CCDC88C: variants seen among roughly 807,000 people sequenced by gnomAD.
CCDC88C encodes protein Daple.
CCDC88C carries 131 observed loss-of-function variants against 198.8 expected under a neutral mutation model. The observed-to-expected ratio is 0.66, with a 90% CI of 0.57 to 0.76. The LOEUF is 0.76. Ranked by LOEUF, CCDC88C falls within the 30% of genes least tolerant of loss-of-function variation. The pLI is 0.00. For missense variants in CCDC88C, 2,553 were observed against 2,631.6 expected (o/e 0.97, Z 0.65); for synonymous variants, 1,166 against 1,114.7 (o/e 1.05, Z -0.92).
At position 91,417,617 on chromosome 14, in the gene CCDC88C, C is replaced by T. The variant is rs1373645125; in HGVS notation, c.60+14G>A. ...GGTGCACCAACAAAGGGGCGGGGAG[C>T]CAGGCGCACTCACCCAGGTCACCAG... On this transcript the variant is annotated intron_variant, in intron 1 of 29. Coordinates refer to ENST00000389857, the MANE Select transcript of CCDC88C (RefSeq NM_001080414.4). 6.3e-7 allele frequency: 1 copy of T among 1,583,132 alleles called. No individual in the cohort carries two copies. The highest frequency in any genetic ancestry group is 2.4e-5 in the East Asian group (1 of 41,896).
intron 22 of CCDC88C, 28 bp from the exon 23 acceptor site, chr14:91,294,346 A>T (rs769173950): frequency 1.9e-6 from 3 of 1,611,154 alleles, no homozygotes; most frequent in Non-Finnish European, 2.5e-6. Flanking sequence ...AGCGTCTCAG[A>T]CACCATGTGA....
At chr14:91,298,542 A>AC (rs1263212953) in intron 21 of CCDC88C, among the ~76,000 whole-genome samples, 1 of 152,118 alleles carries the variant, frequency 6.6e-6, no homozygotes, top group East Asian at 1.9e-4. Context: ...AAAAAAAAAA[A>AC]AATTTAGTGG....
In CCDC88C at chr14:91,272,878, G is replaced by A. The variant is rs1475550130; in HGVS notation, c.5834C>T (p.Pro1945Leu). ...PAARTKPKAP[P>L]RSGEVATITP... ...GATGGTGGCCACCTCCCCTGAGCGT[G>A]GGGGCGCCTTGGGCTTGGTCCTGGC... is the stretch of plus-strand genomic sequence containing the variant. The change falls in exon 30 of 30, where the codon CCA becomes CTA. Residue 1945 changes from proline (P) to leucine (L), a missense_variant. This residue lies in a region of CCDC88C where 1,293 missense variants were observed against 1,219.6 expected (regional missense o/e 1.06). Transcript: ENST00000389857. 6.3e-7 allele frequency: 1 copy of A among 1,590,188 alleles called. No individual in the cohort carries two copies. Among genetic ancestry groups the A allele is most frequent in the Admixed American group, 1.7e-5 (1 of 57,428 alleles).
In CCDC88C at chr14:91,272,345, T is replaced by TAAA; in HGVS notation, c.*279_*280insTTT. The stretch of plus-strand genomic sequence containing the variant: ...GCTTTGGGGGAAGTCAGTTTGTCAT[T>TAAA]GCATCCTAATTGGTCCCCATGCTGA... On this transcript the variant is annotated 3_prime_UTR_variant, in exon 30 of 30. Coordinates refer to ENST00000389857, the MANE Select transcript of CCDC88C (RefSeq NM_001080414.4). The TAAA allele has an allele frequency of 2.2e-6, 1 of 455,206 alleles. No individual in the cohort carries two copies. The highest frequency in any genetic ancestry group is 3.9e-6 in the Non-Finnish European group (1 of 254,074). 28.2% of individuals were successfully genotyped at this position (455,206 alleles called of 1,614,324 possible).
intron 3 of CCDC88C, among the ~76,000 whole-genome samples, chr14:91,382,135 T>C (rs1884835080): frequency 6.6e-6 from 1 of 152,178 alleles, no homozygotes; most frequent in South Asian, 2.1e-4. Flanking sequence ...TTTTCTCATC[T>C]GTAAGATGAG....
chr14:91,409,893 T>C (rs1886711658), intron 2 of CCDC88C, among the ~76,000 whole-genome samples: 1 of 152,194 alleles, frequency 6.6e-6, no homozygotes, highest in African/African-American at 2.4e-5. Flanking sequence ...CTCCCTGTGA[T>C]TTACAAATTC....
intron 3 of CCDC88C, among the ~76,000 whole-genome samples, chr14:91,398,216 G>A (rs995206423): frequency 9.9e-5 from 15 of 152,154 alleles, no homozygotes; most frequent in African/African-American, 3.4e-4. Flanking sequence ...AAAAAGGAGA[G>A]AAAAGAAAGG....
chr14:91,361,191 A>C (rs1182800316), intron 3 of CCDC88C, among the ~76,000 whole-genome samples: 2 of 152,056 alleles, frequency 1.3e-5, no homozygotes, highest in African/African-American at 4.8e-5. Context: ...TTTCATAACT[A>C]TTCTACAAGT....
At chr14:91,309,601 C>A (rs1170867241) in intron 16 of CCDC88C, among the ~76,000 whole-genome samples, 2 of 140,286 alleles carry the variant, frequency 1.4e-5, no homozygotes, top group Non-Finnish European at 3.0e-5. Context: ...CAGAGCCAGA[C>A]CCTGTCTCAA....
chr14:91,374,545 G>C (rs900943702), intron 3 of CCDC88C, among the ~76,000 whole-genome samples: 1 of 152,206 alleles, frequency 6.6e-6, no homozygotes, highest in African/African-American at 2.4e-5. Context: ...TGCGAGTGTA[G>C]GGAGGGTGTG....
intron 13 of CCDC88C, 24 bp from the exon 14 acceptor site, chr14:91,315,811 C>A (rs1166524610): frequency 6.2e-7 from 1 of 1,605,676 alleles, no homozygotes; most frequent in Non-Finnish European, 8.5e-7. Context: ...AGACCCAGCC[C>A]AGTGCAGACA....
intron 3 of CCDC88C, among the ~76,000 whole-genome samples, chr14:91,390,004 G>A (rs1885403075): frequency 2.0e-5 from 3 of 151,846 alleles, no homozygotes; most frequent in South Asian, 2.1e-4. Flanking sequence ...CCCGGGAGGC[G>A]GAGCTTGCAG....
At chr14:91,401,309 A>G (rs1886184359) in intron 3 of CCDC88C, among the ~76,000 whole-genome samples, 5 of 130,572 alleles carry the variant, frequency 3.8e-5, no homozygotes. Flanking sequence ...TATAATGTAT[A>G]TATTTATTAT....
intron 3 of CCDC88C, among the ~76,000 whole-genome samples, chr14:91,386,493 G>A (rs1322777202): frequency 6.6e-6 from 1 of 152,060 alleles, no homozygotes; most frequent in Non-Finnish European, 1.5e-5. Flanking sequence ...AAACAGTAGA[G>A]GAGACCAATG....
At chr14:91,405,787 A>G (rs1003044616) in intron 3 of CCDC88C, among the ~76,000 whole-genome samples, 3 of 152,020 alleles carry the variant, frequency 2.0e-5, no homozygotes, top group Non-Finnish European at 4.4e-5. Flanking sequence ...AATTGGAAGG[A>G]AAAAAAACAC....
intron 6 of CCDC88C, among the ~76,000 whole-genome samples, chr14:91,340,689 T>C (rs2139863901): frequency 6.6e-6 from 1 of 152,182 alleles, no homozygotes; most frequent in Non-Finnish European, 1.5e-5. Flanking sequence ...AAAGATACCA[T>C]AGTGCTCAGG....
intron 3 of CCDC88C, among the ~76,000 whole-genome samples, chr14:91,382,527 G>A (rs578163723): frequency 1.4e-4 from 22 of 152,298 alleles, no homozygotes; most frequent in Non-Finnish European, 2.5e-4. Flanking sequence ...CCAGCTCAGC[G>A]TGTTTCCCTT....
chr14:91,405,998 G>A (rs1480956270), intron 3 of CCDC88C, among the ~76,000 whole-genome samples: 1 of 152,194 alleles, frequency 6.6e-6, no homozygotes, highest in Non-Finnish European at 1.5e-5. Flanking sequence ...AGAGCTCCCA[G>A]CACAAAAGGA....
At chr14:91,399,795 C>T (rs574215927) in intron 3 of CCDC88C, among the ~76,000 whole-genome samples, 4 of 149,340 alleles carry the variant, frequency 2.7e-5, no homozygotes, top group East Asian at 2.0e-4. Context: ...GCCGAGATCG[C>T]GCCACTGCAC....
Sources: gnomAD v4.1 joint callset for allele counts (sites outside exome capture counted in the v4.1 genomes callset) on GRCh38, gnomAD v4.1.1 for gene constraint, gnomAD v4.1.1 regional missense constraint, MANE v1.5 for transcripts, NCBI Gene and HGNC (gene_info 2026-07-23, HGNC 2026-07-21) for gene names.